The following CPLX2 variants were observed in gnomAD, a reference collection of about 807,000 sequenced individuals.
The protein encoded by CPLX2 is complexin-2.
Under a neutral mutation model 16.3 loss-of-function variants are expected in CPLX2, and 5 were observed. That is an observed-to-expected ratio of 0.31 (90% CI 0.16 to 0.64). The LOEUF (loss-of-function observed/expected upper bound fraction) is 0.64, where lower values mean the gene tolerates loss of function less well. CPLX2 is among the 30% of genes least tolerant of loss of function. CPLX2 has a pLI of 0.79. For missense variants in CPLX2, 144 were observed against 181.4 expected, an observed-to-expected ratio of 0.79 and a Z score of 1.18; for synonymous variants, 89 against 73.2, an observed-to-expected ratio of 1.22 and a Z score of -1.10.
upstream of CPLX2, among the ~76,000 whole-genome samples, chr5:175,867,139 C>CTTG (rs1316863288): frequency 6.6e-6 from 1 of 152,066 alleles, no homozygotes; most frequent in East Asian, 1.9e-4. Flanking sequence ...GGATAGAAGC[C>CTTG]AGCAAGTTGG....
intron 2 of CPLX2, among the ~76,000 whole-genome samples, chr5:175,853,335 C>T (rs1018654198): frequency 5.9e-5 from 9 of 152,230 alleles, no homozygotes; most frequent in African/African-American, 1.4e-4. Context: ...CAGCCTCACA[C>T]GGTGCCCCTG....
At chr5:175,877,905 C>T (rs936767159) in intron 1 of CPLX2, among the ~76,000 whole-genome samples, 1 of 152,130 alleles carries the variant, frequency 6.6e-6, no homozygotes, top group Non-Finnish European at 1.5e-5. Context: ...TAATGTCTGC[C>T]GAGTGCCTGC....
intron 1 of CPLX2, among the ~76,000 whole-genome samples, chr5:175,875,479 A>G (rs955335042): frequency 6.6e-6 from 1 of 152,204 alleles, no homozygotes; most frequent in Admixed American, 6.5e-5. Context: ...GTGCAAACAC[A>G]TCCCATAGAG....
At chr5:175,819,920 A>C (rs1758475732) in intron 2 of CPLX2, among the ~76,000 whole-genome samples, 1 of 152,244 alleles carries the variant, frequency 6.6e-6, no homozygotes, top group Admixed American at 6.5e-5. Flanking sequence ...AAGGTGAAGA[A>C]GCAGCTACAA....
chr5:175,836,494 A>C (rs1370634578), intron 2 of CPLX2, among the ~76,000 whole-genome samples: 4 of 152,138 alleles, frequency 2.6e-5, no homozygotes, highest in Non-Finnish European at 5.9e-5. Flanking sequence ...AGCTGCCTGC[A>C]CCCCTCAGCT....
At chr5:175,838,514 C>A (rs189620022) in intron 2 of CPLX2, among the ~76,000 whole-genome samples, 2 of 151,960 alleles carry the variant, frequency 1.3e-5, no homozygotes, top group East Asian at 1.9e-4. Flanking sequence ...GTGATCCAAC[C>A]GCCTCGGCCT....
At chr5:175,804,652 G>A (rs1284205244) in intron 1 of CPLX2, among the ~76,000 whole-genome samples, 5 of 152,288 alleles carry the variant, frequency 3.3e-5, no homozygotes, top group East Asian at 1.9e-4. Context: ...AGAAATGCAC[G>A]ATCTCAGCTG....
At chr5:175,832,727 G>A (rs1423425837) in intron 2 of CPLX2, among the ~76,000 whole-genome samples, 1 of 152,170 alleles carries the variant, frequency 6.6e-6, no homozygotes, top group East Asian at 1.9e-4. Context: ...GGGCCCCTAT[G>A]TGCCTTCCAA....
At chr5:175,861,076 C>T (rs1309180720) in intron 2 of CPLX2, among the ~76,000 whole-genome samples, 1 of 151,978 alleles carries the variant, frequency 6.6e-6, no homozygotes, top group East Asian at 1.9e-4. Flanking sequence ...CTCTGTGATC[C>T]AGAAAGTGGC....
chr5:175,798,838 G>A (rs1014765108), intron 1 of CPLX2, among the ~76,000 whole-genome samples: 5 of 151,928 alleles, frequency 3.3e-5, no homozygotes, highest in South Asian at 2.1e-4. Flanking sequence ...CATCACATGC[G>A]CACACACTCA....
chr5:175,856,147 C>A (rs1305723219), intron 2 of CPLX2, among the ~76,000 whole-genome samples: 2 of 152,210 alleles, frequency 1.3e-5, no homozygotes, highest in African/African-American at 4.8e-5. Context: ...GCGACCTTGG[C>A]AAGTTTCCTA....
intron 2 of CPLX2, among the ~76,000 whole-genome samples, chr5:175,829,330 G>C (rs936943633): frequency 6.6e-6 from 1 of 152,202 alleles, no homozygotes; most frequent in African/African-American, 2.4e-5. Context: ...CACTGGACCA[G>C]GCCCACCTGC....
At chr5:175,802,191 C>G (rs1260805415) in intron 1 of CPLX2, among the ~76,000 whole-genome samples, 1 of 152,204 alleles carries the variant, frequency 6.6e-6, no homozygotes, top group Non-Finnish European at 1.5e-5. Flanking sequence ...AAGCTCAGTG[C>G]TTTCAGGACA....
intron 2 of CPLX2, among the ~76,000 whole-genome samples, chr5:175,833,881 C>G (rs865920832): frequency 3.3e-5 from 5 of 152,196 alleles, no homozygotes; most frequent in Admixed American, 6.5e-5. Context: ...CCCTCACATC[C>G]CCTTTCCTGG....
At chr5:175,836,007 G>A (rs931121201) in intron 2 of CPLX2, among the ~76,000 whole-genome samples, 6 of 152,006 alleles carry the variant, frequency 3.9e-5, no homozygotes, top group Admixed American at 3.3e-4. Context: ...ACAACATGCT[G>A]GGATTACAGG....
chr5:175,819,718 C>T (rs922073681), intron 2 of CPLX2, among the ~76,000 whole-genome samples: 7 of 152,210 alleles, frequency 4.6e-5, no homozygotes, highest in African/African-American at 1.7e-4. Flanking sequence ...CCTCTGCCTT[C>T]TTCACTCCTC....
chr5:175,852,153 C>A (rs1759168920), intron 2 of CPLX2, among the ~76,000 whole-genome samples: 2 of 152,178 alleles, frequency 1.3e-5, no homozygotes, highest in Non-Finnish European at 1.5e-5. Flanking sequence ...TGAGGGTAGG[C>A]AGTCCAACTC....
intron 2 of CPLX2, among the ~76,000 whole-genome samples, chr5:175,855,155 G>A (rs1022343323): frequency 3.9e-5 from 6 of 152,230 alleles, no homozygotes; most frequent in Non-Finnish European, 5.9e-5. Flanking sequence ...AGCTGGATGA[G>A]AGCAGGAGAG....
At position 175,839,158 on chromosome 5, in the gene CPLX2, A is replaced by C. The variant is rs191276297; in HGVS notation, c.-89+30090A>C. ...AGCATTCTTCCCACCTTAGCTCTTG[A>C]GTAGCTGGGATTATAGGCACGAGCC... is the stretch of plus-strand genomic sequence containing the variant. On this transcript the variant is annotated intron_variant, in intron 2 of 4. Coordinates refer to the CPLX2 transcript ENST00000359546. 1.7e-4 allele frequency among the ~76,000 whole-genome samples: 26 copies of C among 152,322 alleles called. No homozygotes were observed. The East Asian group carries it at 4.6e-3, about 27-fold the overall frequency.
Sources: gnomAD v4.1 joint callset for allele counts (sites outside exome capture counted in the v4.1 genomes callset) on GRCh38, gnomAD v4.1.1 for gene constraint, MANE v1.5 for transcripts, NCBI Gene and HGNC (gene_info 2026-07-23, HGNC 2026-07-21) for gene names.